The following DSP variants were observed in gnomAD, a reference collection of about 807,000 sequenced individuals.
DSP encodes desmoplakin, also known as 250/210 kDa paraneoplastic pemphigus antigen.
A neutral mutation model predicts 290.6 loss-of-function variants in DSP; 114 were observed. The ratio of observed to expected loss-of-function variants is 0.39; its 90% confidence interval spans 0.34 to 0.46. The LOEUF is 0.46. DSP is among the 20% of genes least tolerant of loss of function. The probability of loss-of-function intolerance (pLI) is 0.99; values close to 1 mark genes in which losing one functional copy is unlikely to be tolerated. For synonymous variants in DSP, 1,311 were observed against 1,316.4 expected (o/e 1.00, Z 0.09); for missense variants, 3,230 against 3,495.8 (o/e 0.92, Z 1.92).
chr6:7,571,357 A>G (rs748666950), intron 13 of DSP, 26 bp from the exon 14 acceptor site: 90 of 1,613,948 alleles, frequency 5.6e-5, no homozygotes, highest in Admixed American at 1.0e-4. Context: ...ATAAATCCCA[A>G]ATCACTTCTG....
In DSP at chr6:7,583,137, T is replaced by C. The variant is rs1759501923; in HGVS notation, c.5875T>C (p.Trp1959Arg). The change falls in exon 24 of 24, where the codon TGG (tryptophan) becomes CGG (arginine). Residue 1959 changes from tryptophan (W) to arginine (R), a missense_variant. This residue lies in a region of DSP where 1,714 missense variants were observed against 1,844.5 expected (regional missense o/e 0.93). Coordinates refer to ENST00000379802, the MANE Select transcript of DSP (RefSeq NM_004415.4). The surrounding 1 kb of genome is among the most constrained non-coding windows in gnomAD (Gnocchi z 4.0). ...TCGAGAGACCCAGACTGAGTGTGAGTGGACCGTTGACACCTCCAAGCTGGT... is the reference window on the plus strand; with the variant it reads ...TCGAGAGACCCAGACTGAGTGTGAGCGGACCGTTGACACCTCCAAGCTGGT... ...SHRETQTECEWTVDTSKLVFD... is the reference protein window; with the variant it reads ...SHRETQTECERTVDTSKLVFD... 2 of 1,612,870 alleles carry C rather than the reference T, an allele frequency of 1.2e-6. No homozygotes were observed. Among genetic ancestry groups the C allele is most frequent in the African/African-American group, 1.3e-5 (1 of 74,458 alleles).
chr6:7,573,393 A>G (rs1312884827), intron 15 of DSP, among the ~76,000 whole-genome samples: 1 of 152,154 alleles, frequency 6.6e-6, no homozygotes, highest in Non-Finnish European at 1.5e-5. Flanking sequence ...CATGACCAAC[A>G]TGGTGAAACC....
chr6:7,585,731 G>T lies in DSP; in HGVS notation c.8469G>T (p.Pro2823=). The part of the protein sequence containing the change: ...LPSPYNMSSA[P]GSRSGSRSGS... ...GCCCTTACAACATGTCTTCGGCTCCGGGGTCCCGCTCCGGCTCCCGCTCGG... is the reference window on the plus strand; with the variant it reads ...GCCCTTACAACATGTCTTCGGCTCCTGGGTCCCGCTCCGGCTCCCGCTCGG... Residue 2823 remains proline (P), a synonymous_variant, in exon 24 of 24, where the codon CCG becomes CCT. Transcript: ENST00000379802. 6.2e-7 allele frequency: 1 copy of T among 1,612,148 alleles called. No homozygotes were observed. Among genetic ancestry groups the T allele is most frequent in the Non-Finnish European group, 8.5e-7 (1 of 1,178,906 alleles).
chr6:7,556,791 G>T (rs1051157410), intron 2 of DSP, among the ~76,000 whole-genome samples: 4 of 152,206 alleles, frequency 2.6e-5, no homozygotes, highest in Non-Finnish European at 1.5e-5. Context: ...AAACTAGCTT[G>T]GCTCCAGTTC....
intron 1 of DSP, among the ~76,000 whole-genome samples, chr6:7,550,635 A>G (rs914911208): frequency 5.9e-5 from 9 of 152,250 alleles, no homozygotes; most frequent in Middle Eastern, 3.4e-3. Flanking sequence ...TTAAAAAAAA[A>G]GTATGTGCAG....
At chr6:7,550,469 A>G (rs962668108) in intron 1 of DSP, among the ~76,000 whole-genome samples, 1 of 152,172 alleles carries the variant, frequency 6.6e-6, no homozygotes, top group Non-Finnish European at 1.5e-5. Context: ...AAGGTAGTAA[A>G]ATAAAACCTT....
chr6:7,553,400 CT>C (rs1287450284), intron 1 of DSP, among the ~76,000 whole-genome samples: 1 of 152,184 alleles, frequency 6.6e-6, no homozygotes, highest in Non-Finnish European at 1.5e-5. Context: ...TGGGAATCAC[CT>C]TCGGAGCCAA....
At chr6:7,548,138 G>A (rs1288596937) in intron 1 of DSP, among the ~76,000 whole-genome samples, 1 of 151,800 alleles carries the variant, frequency 6.6e-6, no homozygotes, top group Non-Finnish European at 1.5e-5. Context: ...GTGGTGGCGG[G>A]CTCCTGTAGT....
chr6:7,573,845 A>G (rs916794687), intron 15 of DSP, among the ~76,000 whole-genome samples: 4 of 152,230 alleles, frequency 2.6e-5, no homozygotes, highest in South Asian at 4.1e-4. Flanking sequence ...ATTCAGCGCA[A>G]GACTACAGGT....
chr6:7,541,794 C>T lies in DSP; in HGVS notation c.-122C>T, dbSNP rs994762554. On this transcript the variant is annotated 5_prime_UTR_variant, in exon 1 of 24. Transcript: ENST00000379802. ...AGGTAGCGAGCAGCGACCTCGCGAG[C>T]CTTCCGCACTCCCGCCCGGTTCCCC... The T allele has an allele frequency of 3.8e-6, 5 of 1,303,458 alleles. No homozygotes were observed. In the African/African-American group the frequency reaches 4.6e-5, roughly 12 times the overall value. The allele number at this position is 1,303,458 out of a possible 1,614,324, so 80.7% of individuals were successfully genotyped here. A position where few individuals can be genotyped will look rare whatever the true frequency, so the allele number is the denominator to read the frequency against.
chr6:7,569,376 G>A (rs763036398), intron 12 of DSP, 36 bp downstream of exon 12: 9 of 1,613,940 alleles, frequency 5.6e-6, no homozygotes, highest in South Asian at 1.1e-5. Context: ...ACGCATGCAC[G>A]CATGAATGTG....
intron 4 of DSP, among the ~76,000 whole-genome samples, chr6:7,560,665 G>A (rs1305110195): frequency 6.6e-6 from 1 of 152,178 alleles, no homozygotes; most frequent in Non-Finnish European, 1.5e-5. Context: ...AGAGGGGAGG[G>A]TGGCCAGCTC....
intron 4 of DSP, among the ~76,000 whole-genome samples, chr6:7,560,152 T>A (rs552422621): frequency 6.6e-6 from 1 of 152,332 alleles, no homozygotes; most frequent in South Asian, 2.1e-4. Context: ...CTCCTAACCC[T>A]TCCCTTGAGA....
chr6:7,567,907 G>GTA lies in DSP; in HGVS notation c.1266+3_1266+4dup, dbSNP rs1758913922. 5.0e-6 allele frequency: 8 copies of GTA among 1,613,472 alleles called. No individual in the cohort carries two copies. The East Asian group carries it at 1.8e-4, about 36-fold the overall frequency. On this transcript the variant is annotated splice_donor_variant, in intron 10 of 23. Coordinates refer to ENST00000379802, the MANE Select transcript of DSP (RefSeq NM_004415.4). LOFTEE classifies it high-confidence loss of function. ...GCTGGAACAGATCAAGGAGCTGGAG[G>GTA]TATCGTCTCAGACCCAGAACCTCAG... is the stretch of plus-strand genomic sequence containing the variant.
chr6:7,557,837 T>C (rs932242901), intron 2 of DSP, among the ~76,000 whole-genome samples: 1 of 152,222 alleles, frequency 6.6e-6, no homozygotes, highest in African/African-American at 2.4e-5. Context: ...GACTTGTGTG[T>C]AAATATGAAA....
chr6:7,580,955 T>C lies in DSP; in HGVS notation c.4765T>C (p.Cys1589Arg), dbSNP rs535638481. Residue 1589 changes from cysteine to arginine, a missense_variant, in exon 23 of 24, where the codon TGC (cysteine) becomes CGC (arginine). Coordinates refer to ENST00000379802, the MANE Select transcript of DSP (RefSeq NM_004415.4). This position sits in a 1 kb window ranked among gnomAD's most constrained non-coding sequence, Gnocchi z 4.2. ...RLKRTASEDS[C>R]KRKKLEEELE... ...GAAGAGGACCGCGTCAGAAGACTCC[T>C]GCAAGAGGAAGAAGCTGGAGGAAGA... 1 of 1,614,068 alleles carries C rather than the reference T, an allele frequency of 6.2e-7. No individual in the cohort carries two copies. Among genetic ancestry groups the C allele is most frequent in the East Asian group, 2.2e-5 (1 of 44,874 alleles).
chr6:7,574,016 T>C, intron 15 of DSP, 70 bp from the exon 16 acceptor site: 1 of 1,538,414 alleles, frequency 6.5e-7, no homozygotes, highest in South Asian at 1.1e-5. Context: ...CAGCATATTG[T>C]ACACCTTAAA....
chr6:7,547,012 T>G (rs953207256), intron 1 of DSP, among the ~76,000 whole-genome samples: 13 of 152,148 alleles, frequency 8.5e-5, no homozygotes, highest in Non-Finnish European at 1.5e-4. Flanking sequence ...GTGTGAGACT[T>G]GGAGAGTGTG....
At position 7,565,723 on chromosome 6, in the gene DSP, A is replaced by G; in HGVS notation, c.939+203A>G. Reference sequence around the variant, plus strand: ...ATCCTTAGCAAACTTATGCGGGAACAGAAAACCAAATACCACATGTTCTCA... The same window carrying G: ...ATCCTTAGCAAACTTATGCGGGAACGGAAAACCAAATACCACATGTTCTCA... On this transcript the variant is annotated intron_variant, in intron 7 of 23. Coordinates refer to ENST00000379802, the MANE Select transcript of DSP (RefSeq NM_004415.4). The surrounding 1 kb of genome is among the most constrained non-coding windows in gnomAD (Gnocchi z 4.2). 1.6e-6 allele frequency: 1 copy of G among 621,044 alleles called. No homozygotes were observed. 38.5% of individuals were successfully genotyped at this position (621,044 alleles called of 1,614,324 possible).
Sources: gnomAD v4.1 joint callset for allele counts (sites outside exome capture counted in the v4.1 genomes callset) on GRCh38, gnomAD v4.1.1 for gene constraint, gnomAD v4.1.1 regional missense constraint, Gnocchi (gnomAD v3.1) non-coding constraint, MANE v1.5 for transcripts, NCBI Gene and HGNC (gene_info 2026-07-23, HGNC 2026-07-21) for gene names.